RALGAPA1: variants seen among roughly 807,000 people sequenced by gnomAD.
The protein encoded by RALGAPA1 is Ral GTPase activating protein catalytic subunit alpha 1.
A neutral mutation model predicts 269.6 loss-of-function variants in RALGAPA1; 52 were observed. The ratio of observed to expected loss-of-function variants is 0.19; its 90% CI spans 0.15 to 0.24. RALGAPA1 has a LOEUF of 0.24. RALGAPA1 is among the 10% of genes least tolerant of loss of function. The pLI, the probability that RALGAPA1 is intolerant of heterozygous loss-of-function variation, is 1.00. For missense variants in RALGAPA1, 1,917 were observed against 3,013.9 expected (o/e 0.64, Z 8.52); for synonymous variants, 817 against 1,008.3 (o/e 0.81, Z 3.60).
chr14:35,618,117 C>T (rs1395415977), intron 35 of RALGAPA1, among the ~76,000 whole-genome samples: 1 of 151,984 alleles, frequency 6.6e-6, no homozygotes. Context: ...AAACTTTAAG[C>T]AACAGATAAT....
intron 36 of RALGAPA1, among the ~76,000 whole-genome samples, chr14:35,605,380 T>C (rs1371035616): frequency 1.3e-5 from 2 of 152,174 alleles, no homozygotes; most frequent in Non-Finnish European, 2.9e-5. Context: ...CACAATATAC[T>C]GTCTCATAAA....
intron 37 of RALGAPA1, among the ~76,000 whole-genome samples, chr14:35,574,643 T>C (rs893502369): frequency 3.9e-5 from 6 of 152,180 alleles, no homozygotes; most frequent in African/African-American, 1.4e-4. Context: ...TCTTACATAG[T>C]AATTAGACAC....
chr14:35,732,370 A>G (rs2070571889), intron 12 of RALGAPA1, among the ~76,000 whole-genome samples: 1 of 152,172 alleles, frequency 6.6e-6, no homozygotes, highest in Non-Finnish European at 1.5e-5. Context: ...TACACAGGCA[A>G]CAAATAGCAC....
Position 35,730,158 on chromosome 14 carries a change from G to A in RALGAPA1, c.1588-1648C>T, listed in dbSNP as rs180848523. ...GGTCTAGTTTGTGGGAGAAATTTCCGACCTTACCTGGAGCGGAGTAAATTT... is the reference window on the plus strand; with the variant it reads ...GGTCTAGTTTGTGGGAGAAATTTCCAACCTTACCTGGAGCGGAGTAAATTT... On this transcript the variant is annotated intron_variant, in intron 12 of 41. Coordinates refer to ENST00000680220, the MANE Select transcript of RALGAPA1 (RefSeq NM_001346249.2). 9.9e-5 allele frequency among the ~76,000 whole-genome samples: 15 copies of A among 152,256 alleles called. No homozygotes were observed. In the East Asian group the frequency reaches 1.7e-3, roughly 18 times the overall value.
At chr14:35,693,775 A>G (rs914510803) in intron 17 of RALGAPA1, among the ~76,000 whole-genome samples, 2 of 152,038 alleles carry the variant, frequency 1.3e-5, no homozygotes, top group African/African-American at 4.8e-5. Flanking sequence ...ATAAAGTTAC[A>G]GAAATGTCAA....
intron 36 of RALGAPA1, among the ~76,000 whole-genome samples, chr14:35,602,791 TTG>T (rs2059370226): frequency 6.6e-6 from 1 of 152,198 alleles, no homozygotes; most frequent in African/African-American, 2.4e-5. Flanking sequence ...TGCTCATGAT[TTG>T]TGTCTTATCT....
chr14:35,706,154 T>A (rs376846553), intron 16 of RALGAPA1, among the ~76,000 whole-genome samples: 2 of 152,210 alleles, frequency 1.3e-5, no homozygotes, highest in African/African-American at 4.8e-5. Context: ...AAGTCCAACT[T>A]AGCAATTTTT....
chr14:35,593,204 A>G (rs2058736604), intron 37 of RALGAPA1, among the ~76,000 whole-genome samples: 1 of 152,180 alleles, frequency 6.6e-6, no homozygotes, highest in Admixed American at 6.6e-5. Flanking sequence ...TTCTATATAC[A>G]AATTATGACT....
intron 1 of RALGAPA1, among the ~76,000 whole-genome samples, chr14:35,788,013 C>T (rs920468832): frequency 1.3e-5 from 2 of 152,022 alleles, no homozygotes; most frequent in Non-Finnish European, 2.9e-5. Flanking sequence ...ACACTGTTGC[C>T]CAGGCTGGAG....
At position 35,671,557 on chromosome 14, in the gene RALGAPA1, G is replaced by A; in HGVS notation, c.5074-40C>T. The A allele has an allele frequency of 4.7e-6, 5 of 1,070,268 alleles. No homozygotes were observed. In the South Asian group the frequency reaches 5.5e-5, roughly 12 times the overall value. 66.3% of individuals were successfully genotyped at this position (1,070,268 alleles called of 1,614,324 possible). Reference sequence around the variant, plus strand: ...AGAAGGAAAAAAGAATATCACATATGTAATCTTGAGTATCAGCTAATCAGT... The same window carrying A: ...AGAAGGAAAAAAGAATATCACATATATAATCTTGAGTATCAGCTAATCAGT... On this transcript the variant is annotated intron_variant, in intron 25 of 41. Coordinates refer to ENST00000680220, the MANE Select transcript of RALGAPA1 (RefSeq NM_001346249.2).
chr14:35,627,982 T>A, intron 33 of RALGAPA1, 31 bp from the exon 34 acceptor site: 6 of 1,527,824 alleles, frequency 3.9e-6, no homozygotes, highest in Non-Finnish European at 5.3e-6. Context: ...TGAATGGGAA[T>A]ATTGCTGCTT....
At chr14:35,661,289 T>C (rs1046622793) in intron 27 of RALGAPA1, among the ~76,000 whole-genome samples, 5 of 152,208 alleles carry the variant, frequency 3.3e-5, no homozygotes, top group Non-Finnish European at 5.9e-5. Context: ...AGGGAGAATA[T>C]TCATCCTTAA....
At chr14:35,655,964 A>G (rs1722236282) in intron 28 of RALGAPA1, 49 bp from the exon 29 acceptor site, 1 of 1,610,366 alleles carries the variant, frequency 6.2e-7, no homozygotes, top group Non-Finnish European at 8.5e-7. Context: ...AACCACCACC[A>G]CAAACATGAC....
rs533451768 is a variant in RALGAPA1 at position 35,541,979 on chromosome 14, T to A, written c.*24-2289A>T. On this transcript the variant is annotated intron_variant, in intron 41 of 41. Transcript: ENST00000680220. ...TAATTGGGCATGCAATGCATTAGGG[T>A]GATGGTTCACAATGACAATGCTTTG... 87 of 1,209,478 alleles carry A rather than the reference T, an allele frequency of 7.2e-5. No individual in the cohort carries two copies. In the African/African-American group the frequency reaches 1.3e-3, roughly 17 times the overall value. 74.9% of individuals were successfully genotyped at this position (1,209,478 alleles called of 1,614,324 possible). A position where few individuals can be genotyped will look rare whatever the true frequency, so the allele number is the denominator to read the frequency against.
intron 17 of RALGAPA1, among the ~76,000 whole-genome samples, chr14:35,696,399 T>A (rs561694288): frequency 7.9e-4 from 120 of 151,030 alleles, no homozygotes; most frequent in African/African-American, 2.0e-3. Flanking sequence ...AAAAAAAAAT[T>A]TTTTTTTTTA....
intron 17 of RALGAPA1, among the ~76,000 whole-genome samples, chr14:35,694,310 A>T (rs1465613412): frequency 5.3e-5 from 8 of 152,148 alleles, no homozygotes; most frequent in Non-Finnish European, 1.0e-4. Context: ...TCATAATATC[A>T]TTTAAACTAG....
rs772892749 is a variant in RALGAPA1 at position 35,654,367 on chromosome 14, T to C, written c.5607A>G (p.Gln1869=). Residue 1869 remains glutamine, a splice_region_variant and synonymous_variant, in exon 30 of 42, where the codon CAA becomes CAG. Coordinates refer to ENST00000680220, the MANE Select transcript of RALGAPA1 (RefSeq NM_001346249.2). ...AATAAATAAATGAGAAATTACTTAC[T>C]TGAATAATTTTCAAGGGAGAATCAG... ...YQPDSPLKII[Q]ILIATITHLL... is the part of the protein sequence containing the mutation. 2.3e-5 allele frequency: 37 copies of C among 1,583,120 alleles called. No individual in the cohort carries two copies. Among genetic ancestry groups the C allele is most frequent in the South Asian group, 4.8e-5 (4 of 82,696 alleles).
rs995293895 is a variant in RALGAPA1 at position 35,762,727 on chromosome 14, T to G, written c.352A>C (p.Thr118Pro). The change falls in exon 5 of 42, where the codon ACA (threonine) becomes CCA (proline). Residue 118 changes from threonine (T) to proline (P), a missense_variant. Around this residue, in one of 11 missense-constraint regions of RALGAPA1, gnomAD observed 462 missense variants for 725.6 expected, o/e 0.64. Coordinates refer to ENST00000680220, the MANE Select transcript of RALGAPA1 (RefSeq NM_001346249.2). ...AGTTGTACCTTTAAGGAGTTTCCTG[T>G]GTGAAGTAGCTTCTTTAAAATCAAT... ...IGLILKKLLH[T>P]GNSLKIRREG... The G allele has an allele frequency of 1.6e-5, 24 of 1,520,930 alleles. No homozygotes were observed. The highest frequency in any genetic ancestry group is 2.2e-5 in the Non-Finnish European group (24 of 1,095,316). 94.2% of individuals were successfully genotyped at this position (1,520,930 alleles called of 1,614,324 possible).
intron 12 of RALGAPA1, among the ~76,000 whole-genome samples, chr14:35,733,511 T>C (rs2070699872): frequency 6.6e-6 from 1 of 151,830 alleles, no homozygotes; most frequent in African/African-American, 2.4e-5. Context: ...AACCAAAAAA[T>C]TCTCCAAACT....
Sources: allele counts gnomAD v4.1 joint callset (sites outside exome capture counted in the v4.1 genomes callset), GRCh38; gene constraint gnomAD v4.1.1; regional missense constraint gnomAD v4.1.1; transcripts MANE v1.5; gene names NCBI Gene and HGNC (gene_info 2026-07-23, HGNC 2026-07-21).